GUCY2F: variants seen among roughly 807,000 people sequenced by gnomAD.
The protein encoded by GUCY2F is retinal guanylyl cyclase 2.
A neutral mutation model predicts 73.1 loss-of-function variants in GUCY2F; 61 were observed. The observed-to-expected ratio is 0.83, with a 90% CI of 0.68 to 1.03. The LOEUF is 1.03. Ranked by LOEUF, GUCY2F falls within the 50% of genes least tolerant of loss-of-function variation. The pLI is 0.00. For synonymous variants in GUCY2F, 331 were observed against 307.8 expected (o/e 1.08, Z -0.79); for missense variants, 912 against 854.3 (o/e 1.07, Z -0.84).
At chrX:109,465,500 CA>C in intron 2 of GUCY2F, 57 bp from the exon 3 acceptor site, 6 of 851,345 alleles carry the variant, frequency 7.0e-6, no homozygotes, top group Non-Finnish European at 8.5e-6. Context: ...AGCACAGTAC[CA>C]AAAACTACAG....
At chrX:109,449,945 G>A (rs1347384183) in intron 5 of GUCY2F, among the ~76,000 whole-genome samples, 2 of 110,651 alleles carry the variant, frequency 1.8e-5, no homozygotes, top group Non-Finnish European at 3.8e-5. Context: ...ATACAGAAAA[G>A]GAAGGAACAG....
intron 1 of GUCY2F, among the ~76,000 whole-genome samples, chrX:109,481,098 G>GGAAA: frequency 1.3e-5 from 1 of 78,629 alleles, no homozygotes; most frequent in East Asian, 4.2e-4. Context: ...AAGGAAGGAA[G>GGAAA]GAAGGAAGGG....
intron 3 of GUCY2F, among the ~76,000 whole-genome samples, chrX:109,463,576 T>C (rs1932407092): frequency 9.1e-6 from 1 of 109,470 alleles, no homozygotes; most frequent in Non-Finnish European, 1.9e-5. Flanking sequence ...TAGCTGGGAC[T>C]ACAGGCGCCC....
intron 8 of GUCY2F, among the ~76,000 whole-genome samples, chrX:109,417,973 T>C (rs953711964): frequency 3.0e-5 from 3 of 99,193 alleles, no homozygotes; most frequent in African/African-American, 5.0e-5. Context: ...AGAAGAATAT[T>C]TGATGTGCTG....
intron 7 of GUCY2F, among the ~76,000 whole-genome samples, chrX:109,440,651 GC>G (rs1931846609): frequency 1.8e-5 from 2 of 111,745 alleles, no homozygotes; most frequent in Admixed American, 1.9e-4. Context: ...GAACAGAAAG[GC>G]AGTCTAGTTT....
chrX:109,412,360 C>G (rs1454096848), intron 8 of GUCY2F, among the ~76,000 whole-genome samples: 1 of 111,598 alleles, frequency 9.0e-6, no homozygotes, highest in East Asian at 2.8e-4. Context: ...GAGCTTGCTT[C>G]TTAGAATATG....
chrX:109,434,386 C>A lies in GUCY2F; in HGVS notation c.1702-3990G>T, dbSNP rs766806883. Among the ~76,000 whole-genome samples, 27 of 109,409 alleles carry A rather than the reference C, an allele frequency of 2.5e-4. 1 individual carries two copies. Among genetic ancestry groups the A allele is most frequent in the African/African-American group, 9.0e-4 (27 of 30,103 alleles). On this transcript the variant is annotated intron_variant, in intron 7 of 19. Coordinates refer to ENST00000218006, the MANE Select transcript of GUCY2F (RefSeq NM_001522.3). ...TGAAATAAGGGCTGATTTTCCCACACAATTCCAAAGGTTATGCATCTGTGT... is the reference window on the plus strand; with the variant it reads ...TGAAATAAGGGCTGATTTTCCCACAAAATTCCAAAGGTTATGCATCTGTGT...
intron 9 of GUCY2F, among the ~76,000 whole-genome samples, chrX:109,407,461 AT>A (rs972014658): frequency 1.8e-5 from 2 of 113,018 alleles, no homozygotes; most frequent in Admixed American, 9.3e-5. Flanking sequence ...AGCAAAACCT[AT>A]TTTTTTAGGA....
intron 5 of GUCY2F, among the ~76,000 whole-genome samples, chrX:109,449,568 C>G (rs1932094663): frequency 8.9e-6 from 1 of 111,957 alleles, no homozygotes; most frequent in Non-Finnish European, 1.9e-5. Context: ...GCAGATTCTG[C>G]CATTAATTAG....
chrX:109,446,511 T>A (rs763660433), intron 6 of GUCY2F, among the ~76,000 whole-genome samples: 4,399 of 108,862 alleles, frequency 0.04, 329 homozygotes, highest in African/African-American at 0.14. Flanking sequence ...CCTGACAAAA[T>A]CAAGAAATGG....
At chrX:109,435,839 G>T (rs1276643485) in intron 7 of GUCY2F, among the ~76,000 whole-genome samples, 3 of 111,246 alleles carry the variant, frequency 2.7e-5, no homozygotes, top group Non-Finnish European at 3.8e-5. Flanking sequence ...TAGCATGAAG[G>T]GTTGTTGAAT....
chrX:109,465,381 A>AT lies in GUCY2F; in HGVS notation c.792dup (p.Cys265MetfsTer4). ...TCAGTCATTTTCAGATCATGAGCAC[A>AT]TTCCAAGAGATGCATCTGAGTCTCT... is the stretch of plus-strand genomic sequence containing the variant. On this transcript the variant is annotated frameshift_variant, in exon 3 of 20. Transcript: ENST00000218006. LOFTEE classifies it high-confidence loss of function. The AT allele has an allele frequency of 8.3e-7, 1 of 1,200,702 alleles. No homozygotes were observed. Among genetic ancestry groups the AT allele is most frequent in the Non-Finnish European group, 1.1e-6 (1 of 885,463 alleles).
At chrX:109,388,316 A>T (rs1930482121) in intron 15 of GUCY2F, among the ~76,000 whole-genome samples, 173 bp downstream of exon 15, 1 of 112,028 alleles carries the variant, frequency 8.9e-6, no homozygotes, top group Non-Finnish European at 1.9e-5. Context: ...CCACTGTGTT[A>T]GTGCAGGTAC....
intron 6 of GUCY2F, among the ~76,000 whole-genome samples, chrX:109,446,807 GC>G (rs1932021388): frequency 8.9e-6 from 1 of 111,978 alleles, no homozygotes; most frequent in Admixed American, 9.5e-5. Context: ...CTTCTGCACA[GC>G]AAAAGAAACT....
At chrX:109,468,392 G>A (rs1053973933) in intron 2 of GUCY2F, among the ~76,000 whole-genome samples, 12 of 111,987 alleles carry the variant, frequency 1.1e-4, no homozygotes, top group African/African-American at 2.9e-4. Flanking sequence ...ATGAATGTTT[G>A]TAAACTAACA....
intron 7 of GUCY2F, among the ~76,000 whole-genome samples, chrX:109,432,562 G>A (rs2147269314): frequency 8.9e-6 from 1 of 112,297 alleles, no homozygotes; most frequent in South Asian, 3.7e-4. Flanking sequence ...TGGCACCTTT[G>A]TGCTAGTTAG....
At chrX:109,457,506 A>G (rs1932283946) in intron 3 of GUCY2F, among the ~76,000 whole-genome samples, 1 of 112,127 alleles carries the variant, frequency 8.9e-6, no homozygotes, top group Non-Finnish European at 1.9e-5. Flanking sequence ...ACCTCCAATA[A>G]TGCATGATCT....
At chrX:109,407,645 TC>T (rs1243671112) in intron 9 of GUCY2F, among the ~76,000 whole-genome samples, 1 of 112,446 alleles carries the variant, frequency 8.9e-6, no homozygotes, top group African/African-American at 3.2e-5. Context: ...GGGCCCAGGG[TC>T]CCCATGCTGT....
At chrX:109,439,287 A>T (rs756453530) in intron 7 of GUCY2F, among the ~76,000 whole-genome samples, 4 of 111,299 alleles carry the variant, frequency 3.6e-5, no homozygotes, top group African/African-American at 1.3e-4. Context: ...AACCAGTTTG[A>T]CCCTCAAGGC....
Sources: allele counts gnomAD v4.1 joint callset (sites outside exome capture counted in the v4.1 genomes callset), GRCh38; gene constraint gnomAD v4.1.1; transcripts MANE v1.5; gene names NCBI Gene and HGNC (gene_info 2026-07-23, HGNC 2026-07-21).